PCP4: variants seen among roughly 807,000 people sequenced by gnomAD.
PCP4 encodes the protein Purkinje cell protein 4.
A neutral mutation model predicts 10.0 loss-of-function variants in PCP4; 8 were observed. The observed-to-expected ratio is 0.80, with a 90% CI of 0.47 to 1.45. The LOEUF (loss-of-function observed/expected upper bound fraction) is 1.45, where lower values mean the gene tolerates loss of function less well. Among genes scored for constraint, PCP4 ranks in the 40% most tolerant of loss-of-function variants. PCP4 has a pLI of 0.00. For synonymous variants in PCP4, 21 were observed against 23.0 expected (o/e 0.91, Z 0.24); for missense variants, 54 against 74.4 (o/e 0.73, Z 1.01).
At chr21:39,883,119 G>A (rs2087383644) in intron 1 of PCP4, among the ~76,000 whole-genome samples, 1 of 35,848 alleles carries the variant, frequency 2.8e-5, no homozygotes, top group Non-Finnish European at 5.2e-5. Flanking sequence ...AAGTGGGTTG[G>A]ATGGACAAGT....
At chr21:39,905,693 C>G (rs556243769) in intron 2 of PCP4, among the ~76,000 whole-genome samples, 1 of 152,274 alleles carries the variant, frequency 6.6e-6, no homozygotes, top group South Asian at 2.1e-4. Flanking sequence ...GCCTTGTGGA[C>G]AGAAGCGGAG....
At position 39,888,310 on chromosome 21, in the gene PCP4, G is replaced by A. The variant is rs73904461; in HGVS notation, c.10-10166G>A. ...CCAACAGAAGTCAGACGTTGGGAAC[G>A]GGGGGCAAAATTTTAAAGAGGACTC... On this transcript the variant is annotated intron_variant, in intron 1 of 2. Transcript: ENST00000328619. Among the ~76,000 whole-genome samples, 1,071 of 152,284 alleles carry A rather than the reference G, an allele frequency of 7.0e-3. 13 individuals carry two copies. Among genetic ancestry groups the A allele is most frequent in the African/African-American group, 0.025 (1,038 of 41,548 alleles).
chr21:39,876,208 G>A (rs538909165), intron 1 of PCP4, among the ~76,000 whole-genome samples: 49 of 151,700 alleles, frequency 3.2e-4, no homozygotes, highest in Non-Finnish European at 6.5e-4. Context: ...GTCGTGAAAC[G>A]GGTCCACAGA....
intron 1 of PCP4, among the ~76,000 whole-genome samples, chr21:39,885,380 G>A (rs898356590): frequency 2.0e-5 from 3 of 152,214 alleles, no homozygotes; most frequent in South Asian, 2.1e-4. Flanking sequence ...CGGAGCTCCC[G>A]GTTGCCCTCC....
At chr21:39,903,085 T>A (rs1279733057) in intron 2 of PCP4, among the ~76,000 whole-genome samples, 1 of 152,164 alleles carries the variant, frequency 6.6e-6, no homozygotes, top group Non-Finnish European at 1.5e-5. Flanking sequence ...CCGGAGAGAC[T>A]CCAAGAGTTA....
At chr21:39,877,198 T>A (rs1020093813) in intron 1 of PCP4, among the ~76,000 whole-genome samples, 3 of 152,186 alleles carry the variant, frequency 2.0e-5, no homozygotes, top group Non-Finnish European at 4.4e-5. Context: ...AAATTAAAAT[T>A]GTCCTGAATA....
At chr21:39,887,046 C>T (rs16998828) in intron 1 of PCP4, among the ~76,000 whole-genome samples, 4,066 of 151,864 alleles carry the variant, frequency 0.027, 190 homozygotes, top group African/African-American at 0.092. Flanking sequence ...GTAGAAAATG[C>T]GAATTTTAAA....
chr21:39,929,188 C>T lies in PCP4; in HGVS notation c.*77C>T, dbSNP rs1601192251. 6.2e-6 allele frequency: 9 copies of T among 1,453,838 alleles called. No individual in the cohort carries two copies. The East Asian group carries it at 2.1e-4, about 33-fold the overall frequency. The allele number at this position is 1,453,838 out of a possible 1,614,324, so 90.1% of individuals were successfully genotyped here. A position where few individuals can be genotyped will look rare whatever the true frequency, so the allele number is the denominator to read the frequency against. ...TGTCAAGAAATTAAAAGAACAACAC[C>T]CTAGAGAGAAGTCATCCACACACAA... On this transcript the variant is annotated 3_prime_UTR_variant, in exon 3 of 3. Coordinates refer to ENST00000328619, the MANE Select transcript of PCP4 (RefSeq NM_006198.3).
At chr21:39,887,198 A>G (rs935958007) in intron 1 of PCP4, among the ~76,000 whole-genome samples, 1 of 152,234 alleles carries the variant, frequency 6.6e-6, no homozygotes, top group Admixed American at 6.5e-5. Context: ...CAGGATAAAA[A>G]AATGACAGGA....
At chr21:39,915,392 A>G (rs1290572678) in intron 2 of PCP4, among the ~76,000 whole-genome samples, 1 of 152,234 alleles carries the variant, frequency 6.6e-6, no homozygotes. Flanking sequence ...GTGAATTTCC[A>G]TTATCAACTT....
intron 2 of PCP4, among the ~76,000 whole-genome samples, chr21:39,921,408 T>G (rs1221806956): frequency 6.6e-6 from 1 of 152,216 alleles, no homozygotes. Flanking sequence ...GGATGATGAA[T>G]GTTTCCTCAG....
chr21:39,924,260 G>A (rs1167773426), intron 2 of PCP4, among the ~76,000 whole-genome samples: 1 of 152,226 alleles, frequency 6.6e-6, no homozygotes, highest in Non-Finnish European at 1.5e-5. Context: ...GTACAACCGA[G>A]TGTTGATCTG....
At chr21:39,888,093 T>C (rs1213140503) in intron 1 of PCP4, among the ~76,000 whole-genome samples, 1 of 152,108 alleles carries the variant, frequency 6.6e-6, no homozygotes, top group East Asian at 1.9e-4. Flanking sequence ...TTAGAAGTGT[T>C]GATATCAGGA....
intron 1 of PCP4, among the ~76,000 whole-genome samples, chr21:39,881,297 G>A (rs1472072967): frequency 1.3e-5 from 2 of 152,064 alleles, no homozygotes; most frequent in African/African-American, 2.4e-5. Context: ...TGAAGCTTGG[G>A]GCACTCACTG....
At chr21:39,910,579 G>A (rs975578563) in intron 2 of PCP4, among the ~76,000 whole-genome samples, 19 of 152,156 alleles carry the variant, frequency 1.2e-4, no homozygotes, top group African/African-American at 4.3e-4. Context: ...TTGCTGGTTG[G>A]GGAAAGTGCT....
At chr21:39,871,245 T>C (rs1341769627) in intron 1 of PCP4, among the ~76,000 whole-genome samples, 1 of 152,252 alleles carries the variant, frequency 6.6e-6, no homozygotes, top group Non-Finnish European at 1.5e-5. Context: ...GCTTACATAG[T>C]TGACTCTCAC....
chr21:39,908,654 C>T (rs1057455033), intron 2 of PCP4, among the ~76,000 whole-genome samples: 1 of 152,132 alleles, frequency 6.6e-6, no homozygotes, highest in Non-Finnish European at 1.5e-5. Context: ...TGGATGACTC[C>T]CCAGCTGCCT....
At chr21:39,913,533 G>A (rs181519059) in intron 2 of PCP4, among the ~76,000 whole-genome samples, 252 of 152,340 alleles carry the variant, frequency 1.7e-3, no homozygotes, top group Admixed American at 2.6e-3. Context: ...GAAAATATGG[G>A]ACTTCAGAGT....
intron 1 of PCP4, chr21:39,883,460 T>C (rs2087385481): frequency 6.6e-6 from 1 of 152,110 alleles, no homozygotes; most frequent in South Asian, 2.1e-4. Context: ...TAGAAAAAAA[T>C]ATGAGCTGTG....
Sources: gnomAD v4.1 joint callset for allele counts (sites outside exome capture counted in the v4.1 genomes callset) on GRCh38, gnomAD v4.1.1 for gene constraint, MANE v1.5 for transcripts, NCBI Gene and HGNC (gene_info 2026-07-23, HGNC 2026-07-21) for gene names.